SRSF4: variants seen among roughly 807,000 people sequenced by gnomAD.
SRSF4 encodes serine and arginine rich splicing factor 4.
SRSF4 carries 12 observed loss-of-function variants against 48.8 expected under a neutral mutation model. That is an observed-to-expected ratio of 0.25 (90% CI 0.16 to 0.40). The LOEUF (loss-of-function observed/expected upper bound fraction) is 0.40, where lower values mean the gene tolerates loss of function less well. SRSF4 is among the 10% of genes least tolerant of loss of function. SRSF4 has a pLI of 1.00. For synonymous variants in SRSF4, 248 were observed against 232.5 expected, an observed-to-expected ratio of 1.07 and a Z score of -0.61; for missense variants, 466 against 667.1, an observed-to-expected ratio of 0.70 and a Z score of 3.32.
chr1:29,158,433 C>CT (rs71586891), intron 3 of SRSF4, among the ~76,000 whole-genome samples: 54,099 of 143,156 alleles, frequency 0.38, 10,581 homozygotes, highest in Non-Finnish European at 0.44. Flanking sequence ...TCTTGTAACC[C>CT]TTTTTTTTTT....
chr1:29,164,986 G>C (rs911656165), intron 1 of SRSF4, among the ~76,000 whole-genome samples: 5 of 152,114 alleles, frequency 3.3e-5, no homozygotes, highest in African/African-American at 1.2e-4. Context: ...GAACATTTTG[G>C]ATTTTGTTTA....
chr1:29,151,572 A>G (rs1373658598), intron 4 of SRSF4, among the ~76,000 whole-genome samples: 1 of 152,230 alleles, frequency 6.6e-6, no homozygotes, highest in Non-Finnish European at 1.5e-5. Flanking sequence ...GCCTGACTAC[A>G]TTAGGTTTTA....
At chr1:29,170,225 A>T (rs1672727675) in intron 1 of SRSF4, 1 of 152,198 alleles carries the variant, frequency 6.6e-6, no homozygotes, top group South Asian at 2.1e-4. Context: ...GTTCGTGAAG[A>T]CTCAACCACA....
intron 2 of SRSF4, 139 bp from the exon 3 acceptor site, chr1:29,159,625 T>C: frequency 2.1e-6 from 1 of 478,474 alleles, no homozygotes; most frequent in Non-Finnish European, 3.6e-6. Flanking sequence ...CCACCCTTAA[T>C]TCTAAAATAG....
At chr1:29,168,434 A>G (rs991744735) in intron 1 of SRSF4, 5 of 152,186 alleles carry the variant, frequency 3.3e-5, no homozygotes, top group African/African-American at 1.2e-4. Flanking sequence ...CTAACATCAG[A>G]TAAAGTCAGG....
chr1:29,180,331 T>G (rs1462724151), intron 1 of SRSF4, among the ~76,000 whole-genome samples: 2 of 152,236 alleles, frequency 1.3e-5, no homozygotes, highest in Non-Finnish European at 2.9e-5. Flanking sequence ...CCTTAAGAAC[T>G]GAACGTTTTA....
chr1:29,148,382 G>C lies in SRSF4; in HGVS notation c.*28C>G, dbSNP rs961215592. 1.3e-6 allele frequency: 2 copies of C among 1,562,548 alleles called. No homozygotes were observed. The highest frequency in any genetic ancestry group is 1.4e-5 in the African/African-American group (1 of 73,304). ...ACCAAACATGTACAAAAGACTTCTC[G>C]GGTAGTTCCAGCTGTGGCCATAGCC... On this transcript the variant is annotated 3_prime_UTR_variant, in exon 6 of 6. Coordinates refer to ENST00000373795, the MANE Select transcript of SRSF4 (RefSeq NM_005626.5).
intron 1 of SRSF4, among the ~76,000 whole-genome samples, chr1:29,165,303 C>T (rs756432754): frequency 1.3e-5 from 2 of 152,188 alleles, no homozygotes; most frequent in African/African-American, 2.4e-5. Context: ...ATTGCCAATG[C>T]GCTCATCTTC....
At position 29,179,794 on chromosome 1, in the gene SRSF4, CAT is replaced by C. The variant is rs563955298; in HGVS notation, c.107+1850_107+1851del. Among the ~76,000 whole-genome samples, 20 of 152,302 alleles carry C rather than the reference CAT, an allele frequency of 1.3e-4. No homozygotes were observed. In the East Asian group the frequency reaches 2.1e-3, roughly 16 times the overall value. On this transcript the variant is annotated intron_variant, in intron 1 of 5. Transcript: ENST00000373795. Reference sequence around the variant, plus strand: ...CAAACATTTCTTAATTCAAAGTGCACATGTCATAATGCTTAATTTATTCAAGA... The same window carrying C: ...CAAACATTTCTTAATTCAAAGTGCACGTCATAATGCTTAATTTATTCAAGA...
At chr1:29,164,653 ACACCTTT>A (rs1672643986) in intron 1 of SRSF4, among the ~76,000 whole-genome samples, 2 of 152,182 alleles carry the variant, frequency 1.3e-5, no homozygotes, top group African/African-American at 4.8e-5. Context: ...AAAACAAAGA[ACACCTTT>A]CAATAATTCA....
chr1:29,150,241 T>G (rs765221021), intron 4 of SRSF4, 49 bp from the exon 5 acceptor site: 3 of 1,306,920 alleles, frequency 2.3e-6, no homozygotes, highest in African/African-American at 2.9e-5. Flanking sequence ...AGGCTGCTGA[T>G]GAGCATCAAT....
chr1:29,151,025 A>C (rs1020979632), intron 4 of SRSF4, among the ~76,000 whole-genome samples: 3 of 152,184 alleles, frequency 2.0e-5, no homozygotes, highest in African/African-American at 7.2e-5. Flanking sequence ...AAATTTTTTT[A>C]ATGCATCCAG....
chr1:29,153,123 G>A (rs1435135022), intron 4 of SRSF4, among the ~76,000 whole-genome samples: 1 of 151,818 alleles, frequency 6.6e-6, no homozygotes, highest in African/African-American at 2.4e-5. Flanking sequence ...GTTTCAGGGG[G>A]GCAAGGACCA....
intron 1 of SRSF4, among the ~76,000 whole-genome samples, chr1:29,179,308 T>C (rs1672917198): frequency 6.6e-6 from 1 of 152,222 alleles, no homozygotes; most frequent in African/African-American, 2.4e-5. Flanking sequence ...ACACCAATTA[T>C]GACATTAAAA....
chr1:29,152,147 C>A (rs1278170230), intron 4 of SRSF4, among the ~76,000 whole-genome samples: 1 of 152,052 alleles, frequency 6.6e-6, no homozygotes, highest in Non-Finnish European at 1.5e-5. Context: ...TGGAATACAA[C>A]CTAGATATTA....
chr1:29,155,811 G>C (rs1672491191), intron 3 of SRSF4, among the ~76,000 whole-genome samples: 2 of 152,142 alleles, frequency 1.3e-5, no homozygotes, highest in African/African-American at 4.8e-5. Flanking sequence ...AAATCTTATA[G>C]TGACAAATTA....
At chr1:29,154,228 T>A (rs552613386) in intron 4 of SRSF4, among the ~76,000 whole-genome samples, 125 of 152,282 alleles carry the variant, frequency 8.2e-4, no homozygotes, top group Middle Eastern at 3.4e-3. Flanking sequence ...CACGCCCAAC[T>A]AAATTTTGTT....
chr1:29,149,175 G>T lies in SRSF4; in HGVS notation c.720C>A (p.Ser240Arg). ...TCCTGCTTTTCTCTTTCTTGCTCCG[G>T]CTCCGACTCTGGCTCCGGCTCCGGC... ...SKSRSRSQSR[S>R]RSKKEKSRSP... The change falls in exon 6 of 6, where the codon AGC (serine) becomes AGA (arginine). Residue 240 changes from serine (S) to arginine (R), a missense_variant. Physicochemically the swap from Ser to Arg is moderately radical, Grantham distance 110 (BLOSUM62 -1). Transcript: ENST00000373795. The T allele has an allele frequency of 1.2e-6, 2 of 1,611,666 alleles. No homozygotes were observed. The highest frequency in any genetic ancestry group is 1.1e-5 in the South Asian group (1 of 91,032).
chr1:29,163,328 G>GA (rs944431638), intron 1 of SRSF4, among the ~76,000 whole-genome samples: 1 of 152,154 alleles, frequency 6.6e-6, no homozygotes, highest in Non-Finnish European at 1.5e-5. Flanking sequence ...ACTATTCTGT[G>GA]AAAAAATCTA....
Sources: gnomAD v4.1 joint callset for allele counts (sites outside exome capture counted in the v4.1 genomes callset) on GRCh38, gnomAD v4.1.1 for gene constraint, MANE v1.5 for transcripts, NCBI Gene and HGNC (gene_info 2026-07-23, HGNC 2026-07-21) for gene names.